Variants in ZFHX3 observed in about 807,000 individuals in gnomAD.
ZFHX3 encodes zinc finger homeobox protein 3.
In ZFHX3, 42 loss-of-function variants were observed where a neutral mutation model predicts 279.1. The observed-to-expected ratio is 0.15, with a 90% CI of 0.12 to 0.19. ZFHX3 has a LOEUF of 0.19. Among genes scored for constraint, ZFHX3 ranks in the 10% least tolerant of loss-of-function variants. ZFHX3 has a pLI of 1.00. For missense variants in ZFHX3, 4,981 were observed against 4,754.0 expected (o/e 1.05, Z -1.40); for synonymous variants, 2,293 against 1,957.8 (o/e 1.17, Z -4.52).
In ZFHX3 at chr16:73,783,722, A is replaced by G. The variant is rs558363182; in HGVS notation, c.-1607-103482T>C. Among the ~76,000 whole-genome samples, 7 of 152,368 alleles carry G rather than the reference A, an allele frequency of 4.6e-5. No individual in the cohort carries two copies. In the South Asian group the frequency reaches 6.2e-4, roughly 14 times the overall value. On this transcript the variant is annotated intron_variant, in intron 1 of 17. Transcript: ENST00000641206. ...CCAGTCACAGTGGTAAGGACTTTATATGGATTAACTCATTTAATCTTTGCA... is the reference window on the plus strand; with the variant it reads ...CCAGTCACAGTGGTAAGGACTTTATGTGGATTAACTCATTTAATCTTTGCA...
At chr16:73,739,531 G>GTCT (rs1327089739) in intron 1 of ZFHX3, among the ~76,000 whole-genome samples, 1 of 152,178 alleles carries the variant, frequency 6.6e-6, no homozygotes, top group East Asian at 1.9e-4. Flanking sequence ...TGATGCTGTA[G>GTCT]GAGATGAGGT....
intron 1 of ZFHX3, among the ~76,000 whole-genome samples, chr16:72,970,088 G>T (rs930721239): frequency 8.5e-5 from 13 of 152,212 alleles, no homozygotes; most frequent in Admixed American, 8.5e-4. Context: ...ATTCTGCAGG[G>T]AATCCACAAC....
chr16:73,823,315 G>C (rs1597131970), intron 1 of ZFHX3, among the ~76,000 whole-genome samples: 2 of 152,028 alleles, frequency 1.3e-5, no homozygotes, highest in Admixed American at 1.3e-4. Context: ...CCACAGTGGA[G>C]GGAAAAAAGA....
In ZFHX3 at chr16:72,859,494, T is replaced by C. The variant is rs1298807119; in HGVS notation, c.3449-29635A>G. Among the ~76,000 whole-genome samples, 3 of 152,214 alleles carry C rather than the reference T, an allele frequency of 2.0e-5. No homozygotes were observed. The East Asian group carries it at 5.8e-4, about 29-fold the overall frequency. ...CAGCCATGTTTAAAGTCTCTGGAAG[T>C]CTGGAAGAGATTCCCAACTTGGACA... On this transcript the variant is annotated intron_variant, in intron 4 of 9. Transcript: ENST00000268489.
intron 7 of ZFHX3, among the ~76,000 whole-genome samples, chr16:73,115,299 G>C (rs1966418524): frequency 6.6e-6 from 1 of 151,234 alleles, no homozygotes; most frequent in Non-Finnish European, 1.5e-5. Flanking sequence ...CCAGCACTTT[G>C]GGAGGCTTAG....
intron 3 of ZFHX3, among the ~76,000 whole-genome samples, chr16:72,907,065 C>A (rs2039194769): frequency 1.3e-5 from 2 of 152,334 alleles, no homozygotes; most frequent in Admixed American, 1.3e-4. Flanking sequence ...ACCATCACAC[C>A]AGTGGGCAAG....
At chr16:73,025,320 A>T (rs972908579) in intron 1 of ZFHX3, among the ~76,000 whole-genome samples, 20 of 152,282 alleles carry the variant, frequency 1.3e-4, no homozygotes, top group Admixed American at 8.5e-4. Flanking sequence ...ACCCAAGTTA[A>T]GAGAGGGGGC....
intron 1 of ZFHX3, 57 bp downstream of exon 1, chr16:73,047,695 A>T (rs1043300279): frequency 2.6e-5 from 4 of 152,784 alleles, no homozygotes; most frequent in Admixed American, 6.5e-5. Flanking sequence ...CAAGACTCGC[A>T]GCACCTGCCC....
Position 72,795,850 on chromosome 16 carries a change from A to C in ZFHX3, c.6832T>G (p.Leu2278Val). The C allele has an allele frequency of 1.2e-6, 2 of 1,614,142 alleles. No individual in the cohort carries two copies. The highest frequency in any genetic ancestry group is 2.2e-5 in the South Asian group (2 of 91,090). ...ATCACTCGGGTTGGAAGGTTCAGTAAATTAGAGAGTTGCTCAAATTCATCA... is the reference window on the plus strand; with the variant it reads ...ATCACTCGGGTTGGAAGGTTCAGTACATTAGAGAGTTGCTCAAATTCATCA... ...KDDEFEQLSNLLNLPTRVIVV... is the reference protein window; with the variant it reads ...KDDEFEQLSNVLNLPTRVIVV... Residue 2278 changes from leucine (L) to valine (V), a missense_variant, in exon 9 of 10, where the codon TTA becomes GTA. Leu to Val is a conservative substitution (Grantham distance 32). This residue lies in a region of ZFHX3 where 177 missense variants were observed against 244.2 expected (regional missense o/e 0.72). Coordinates refer to ENST00000268489, the MANE Select transcript of ZFHX3 (RefSeq NM_006885.4).
chr16:73,788,547 C>A (rs1355038207), intron 1 of ZFHX3, among the ~76,000 whole-genome samples: 1 of 151,998 alleles, frequency 6.6e-6, no homozygotes, highest in Non-Finnish European at 1.5e-5. Context: ...TCTGCTCTGC[C>A]CATTAGGTCG....
chr16:73,370,903 G>A (rs1229716020), intron 3 of ZFHX3, among the ~76,000 whole-genome samples: 2 of 152,224 alleles, frequency 1.3e-5, no homozygotes, highest in Non-Finnish European at 2.9e-5. Flanking sequence ...AATCTGTGAT[G>A]GATGTATGGG....
In ZFHX3 at chr16:73,300,264, T is replaced by TAAA. The variant is rs36110201; in HGVS notation, c.-1194+17973_-1194+17975dup. ...GGTGACAGAGTGAGACTCTGTCTCT[T>TAAA]AAAAAAAAAAAAAAAAAAAAGGACT... On this transcript the variant is annotated intron_variant, in intron 4 of 17. Transcript: ENST00000641206. Among the ~76,000 whole-genome samples the TAAA allele has an allele frequency of 4.9e-4, 61 of 124,066 alleles. 2 individuals are homozygous for TAAA. Among genetic ancestry groups the TAAA allele is most frequent in the African/African-American group, 1.2e-3 (38 of 32,410 alleles). 81.4% of individuals were successfully genotyped at this position (124,066 alleles called of 152,430 possible).
rs947694989 is a variant in ZFHX3 at position 73,808,744 on chromosome 16, A to G, written c.-1608+82907T>C. Among the ~76,000 whole-genome samples, 7 of 152,110 alleles carry G rather than the reference A, an allele frequency of 4.6e-5. No individual in the cohort carries two copies. In the South Asian group the frequency reaches 6.2e-4, roughly 14 times the overall value. On this transcript the variant is annotated intron_variant, in intron 1 of 17. Coordinates refer to the ZFHX3 transcript ENST00000641206. ...GGGAGGGGAAAGAGGCAGAGGCTTGAGTTTCCAGAGCTAGAGGAACAACTT... is the reference window on the plus strand; with the variant it reads ...GGGAGGGGAAAGAGGCAGAGGCTTGGGTTTCCAGAGCTAGAGGAACAACTT...
chr16:73,308,258 TATATATATATATA>T (rs2015235121), intron 4 of ZFHX3, among the ~76,000 whole-genome samples: 2 of 33,664 alleles, frequency 5.9e-5, no homozygotes, highest in African/African-American at 1.3e-4. Context: ...TATATATATA[TATATATATATATA>T]TATATATTTA....
At chr16:73,218,157 C>T (rs1270749470) in intron 5 of ZFHX3, among the ~76,000 whole-genome samples, 2 of 152,008 alleles carry the variant, frequency 1.3e-5, no homozygotes, top group East Asian at 1.9e-4. Flanking sequence ...ATGGCCTTAT[C>T]GATATTTATT....
intron 2 of ZFHX3, among the ~76,000 whole-genome samples, chr16:73,601,593 T>C (rs1184778875): frequency 6.6e-6 from 1 of 152,208 alleles, no homozygotes; most frequent in Admixed American, 6.5e-5. Context: ...TTGTACATCC[T>C]ACATAGTAAT....
chr16:73,276,553 A>C (rs1282073460), intron 4 of ZFHX3, among the ~76,000 whole-genome samples: 3 of 152,206 alleles, frequency 2.0e-5, no homozygotes, highest in African/African-American at 7.2e-5. Flanking sequence ...GAAAACAATA[A>C]AATGTAAAAA....
intron 7 of ZFHX3, chr16:73,125,110 T>C (rs1002430964): frequency 6.6e-6 from 1 of 151,860 alleles, no homozygotes; most frequent in African/African-American, 2.4e-5. Flanking sequence ...CCTGATCATG[T>C]ACCTAGCACC....
chr16:73,672,646 GAA>G (rs961208476), intron 2 of ZFHX3, among the ~76,000 whole-genome samples: 5 of 92,992 alleles, frequency 5.4e-5, no homozygotes, highest in African/African-American at 1.5e-4. Flanking sequence ...TAATAAAATT[GAA>G]AAACACATGA....
Sources: gnomAD v4.1 joint callset for allele counts (sites outside exome capture counted in the v4.1 genomes callset) on GRCh38, gnomAD v4.1.1 for gene constraint, gnomAD v4.1.1 regional missense constraint, MANE v1.5 for transcripts, NCBI Gene and HGNC (gene_info 2026-07-23, HGNC 2026-07-21) for gene names.